MTA1: variants seen among roughly 807,000 people sequenced by gnomAD.
MTA1 encodes metastasis-associated protein MTA1.
MTA1 carries 15 observed loss-of-function variants against 97.0 expected under a neutral mutation model. That is an observed-to-expected ratio of 0.15 (90% CI 0.10 to 0.24). The LOEUF (loss-of-function observed/expected upper bound fraction) is 0.24. Ranked by LOEUF, MTA1 falls within the 10% of genes least tolerant of loss-of-function variation. The pLI, the probability that MTA1 is intolerant of heterozygous loss-of-function variation, is 1.00. For synonymous variants in MTA1, 435 were observed against 417.5 expected (o/e 1.04, Z -0.51); for missense variants, 709 against 1,015.1 (o/e 0.70, Z 4.10).
Position 105,463,578 on chromosome 14 carries a change from C to T in MTA1, c.1076+27C>T. 6.2e-7 allele frequency: 1 copy of T among 1,611,324 alleles called. No homozygotes were observed. Among genetic ancestry groups the T allele is most frequent in the Non-Finnish European group, 8.5e-7 (1 of 1,178,690 alleles). ...TAAGTGTGCCCTCACAGCCGTCGTC[C>T]TCGTGGCCCCGGGGGCCAGGGAGGG... On this transcript the variant is annotated intron_variant, in intron 12 of 20. Transcript: ENST00000331320. This position sits in a 1 kb window ranked among gnomAD's most constrained non-coding sequence, Gnocchi z 5.9.
intron 1 of MTA1, among the ~76,000 whole-genome samples, chr14:105,429,820 G>A (rs11160844): frequency 0.88 from 122,546 of 138,616 alleles, 56,352 homozygotes; most frequent in Non-Finnish European, 1. Flanking sequence ...GCAGTGGTGC[G>A]ATCTTGGCTC....
rs189225055 is a variant in MTA1, at chr14:105,463,560, G to T, written c.1076+9G>T. 251 of 1,612,680 alleles carry T rather than the reference G, an allele frequency of 1.6e-4. 1 individual carries two copies. In the East Asian group the frequency reaches 5.6e-3, roughly 36 times the overall value. On this transcript the variant is annotated intron_variant, in intron 12 of 20. Coordinates refer to ENST00000331320, the MANE Select transcript of MTA1 (RefSeq NM_004689.4). This position sits in a 1 kb window ranked among gnomAD's most constrained non-coding sequence, Gnocchi z 5.9. ...GTTTATATTCCCAACTAGTAAGTGT[G>T]CCCTCACAGCCGTCGTCCTCGTGGC... is the stretch of plus-strand genomic sequence containing the variant.
chr14:105,466,551 A>C lies in MTA1; in HGVS notation c.1750A>C (p.Ser584Arg). 1 of 1,580,646 alleles carries C rather than the reference A, an allele frequency of 6.3e-7. No homozygotes were observed. The highest frequency in any genetic ancestry group is 1.4e-5 in the African/African-American group (1 of 73,808). Reference protein sequence around the residue: ...NGSPTILGKRSYEQHNGVDGN... With the variant: ...NGSPTILGKRRYEQHNGVDGN... ...CTCCCCCACCATCCTGGGCAAGCGCAGCTACGAGCAGCACAACGGGGTGGA... is the reference window on the plus strand; with the variant it reads ...CTCCCCCACCATCCTGGGCAAGCGCCGCTACGAGCAGCACAACGGGGTGGA... Residue 584 changes from serine (S) to arginine (R), a missense_variant, in exon 17 of 21, where the codon AGC becomes CGC. Transcript: ENST00000331320.
At chr14:105,427,062 C>T (rs782529861) in intron 1 of MTA1, among the ~76,000 whole-genome samples, 12 of 152,206 alleles carry the variant, frequency 7.9e-5, no homozygotes, top group Non-Finnish European at 1.5e-4. Context: ...ACCACGGGCA[C>T]CGCCCTGCCG....
At chr14:105,436,353 C>A (rs1472349304) in intron 1 of MTA1, among the ~76,000 whole-genome samples, 1 of 152,216 alleles carries the variant, frequency 6.6e-6, no homozygotes, top group Admixed American at 6.5e-5. Flanking sequence ...TTTACTCTAT[C>A]ATTTCCTGCC....
chr14:105,429,849 C>T (rs1475993952), intron 1 of MTA1, among the ~76,000 whole-genome samples: 15 of 148,394 alleles, frequency 1.0e-4, no homozygotes, highest in Admixed American at 5.4e-4. Flanking sequence ...CTCCAGCTCT[C>T]GGGTTCAAGT....
Position 105,470,155 on chromosome 14 carries a change from G to A in MTA1, c.2088G>A (p.Leu696=), listed in dbSNP as rs782012936. 1 of 1,610,076 alleles carries A rather than the reference G, an allele frequency of 6.2e-7. No individual in the cohort carries two copies. The highest frequency in any genetic ancestry group is 1.7e-5 in the Admixed American group (1 of 59,888). ...TCGCCCTGCGCCAGAGCCAGGCCCT[G>A]CCGCCGCGGCCACCGCCACCTGCGC... The part of the protein sequence containing the change: ...KPIALRQSQA[L]PPRPPPPAPV... The change falls in exon 21 of 21, where the codon CTG becomes CTA. Residue 696 remains leucine (L), a synonymous_variant. Transcript: ENST00000331320.
intron 1 of MTA1, among the ~76,000 whole-genome samples, chr14:105,426,143 C>T (rs1386833244): frequency 1.3e-5 from 2 of 152,076 alleles, no homozygotes; most frequent in Non-Finnish European, 2.9e-5. Flanking sequence ...GGAGGGTCTG[C>T]AGATCTGTGC....
At chr14:105,464,247 G>A (rs587748853) in intron 13 of MTA1, 100 bp downstream of exon 13, 286 of 1,433,422 alleles carry the variant, frequency 2.0e-4, no homozygotes, top group Non-Finnish European at 2.7e-4. Flanking sequence ...GCCTGCAAGG[G>A]GCCCACTGAC....
At position 105,460,874 on chromosome 14, in the gene MTA1, G is replaced by A; in HGVS notation, c.863G>A (p.Trp288Ter). 6.2e-7 allele frequency: 1 copy of A among 1,613,012 alleles called. No individual in the cohort carries two copies. Among genetic ancestry groups the A allele is most frequent in the Non-Finnish European group, 8.5e-7 (1 of 1,179,762 alleles). Residue 288 changes from tryptophan (W) to a stop codon, truncating the protein, a stop_gained, in exon 10 of 21, where the codon TGG becomes TAG. Coordinates refer to ENST00000331320, the MANE Select transcript of MTA1 (RefSeq NM_004689.4). LOFTEE classifies it high-confidence loss of function. ...CTCTGCAGGGACGAGATGGAGGAGT[G>A]GTCTGCATCAGAGGCCAACCTTTTC... The part of the protein sequence containing the change: ...PVLCRDEMEE[W>*]SASEANLFEE...
chr14:105,445,065 T>C (rs944202057), intron 2 of MTA1, among the ~76,000 whole-genome samples: 1 of 152,174 alleles, frequency 6.6e-6, no homozygotes, highest in Non-Finnish European at 1.5e-5. Context: ...CTGGGATAGC[T>C]GGGCGTGGCC....
Position 105,463,560 on chromosome 14 carries a change from G to A in MTA1, c.1076+9G>A, listed in dbSNP as rs189225055. On this transcript the variant is annotated intron_variant, in intron 12 of 20. Coordinates refer to ENST00000331320, the MANE Select transcript of MTA1 (RefSeq NM_004689.4). This position sits in a 1 kb window ranked among gnomAD's most constrained non-coding sequence, Gnocchi z 5.9. ...GTTTATATTCCCAACTAGTAAGTGT[G>A]CCCTCACAGCCGTCGTCCTCGTGGC... The A allele has an allele frequency of 1.2e-6, 2 of 1,612,680 alleles. No individual in the cohort carries two copies. The highest frequency in any genetic ancestry group is 1.7e-5 in the Admixed American group (1 of 60,020).
At chr14:105,466,045 C>T (rs587626216) in intron 16 of MTA1, 31 of 235,044 alleles carry the variant, frequency 1.3e-4, no homozygotes, top group African/African-American at 5.8e-4. Flanking sequence ...CGCTGTCTGA[C>T]GAGCAGCCAG....
intron 19 of MTA1, 37 bp downstream of exon 19, chr14:105,469,535 C>A: frequency 6.2e-7 from 1 of 1,607,424 alleles, no homozygotes; most frequent in Non-Finnish European, 8.5e-7. Flanking sequence ...ACGGTGCGCT[C>A]ACCCATGAGC....
rs1050846321 is a variant in MTA1, at chr14:105,451,508, G to T, written c.432+1184G>T. Among the ~76,000 whole-genome samples the T allele has an allele frequency of 5.3e-5, 8 of 152,266 alleles. 1 individual carries two copies. The highest frequency in any genetic ancestry group is 1.2e-4 in the Non-Finnish European group (8 of 68,052). ...GGGAGCAGAGGCTGTGGGGGTCGCTGTGAAGGCTTCCACTCAGGAATGAGG... is the reference window on the plus strand; with the variant it reads ...GGGAGCAGAGGCTGTGGGGGTCGCTTTGAAGGCTTCCACTCAGGAATGAGG... On this transcript the variant is annotated intron_variant, in intron 6 of 20. Transcript: ENST00000331320.
intron 1 of MTA1, among the ~76,000 whole-genome samples, chr14:105,433,010 TA>T (rs1555423695): frequency 6.6e-6 from 1 of 152,106 alleles, no homozygotes; most frequent in Non-Finnish European, 1.5e-5. Context: ...TGCTGTAATA[TA>T]GGGGCCCCAA....
intron 8 of MTA1, among the ~76,000 whole-genome samples, chr14:105,459,912 G>A (rs113337573): frequency 6.7e-4 from 11 of 16,464 alleles, no homozygotes; most frequent in Admixed American, 8.6e-4. Context: ...CGTGCTGCCC[G>A]TGGCCCCTGG....
In MTA1 at chr14:105,424,343, G is replaced by C. The variant is rs1028680897; in HGVS notation, c.28+4280G>C. Among the ~76,000 whole-genome samples the C allele has an allele frequency of 6.6e-6, 1 of 151,362 alleles. No individual in the cohort carries two copies. The highest frequency in any genetic ancestry group is 1.5e-5 in the Non-Finnish European group (1 of 67,932). On this transcript the variant is annotated intron_variant, in intron 1 of 20. Transcript: ENST00000331320. This position sits in a 1 kb window ranked among gnomAD's most constrained non-coding sequence, Gnocchi z 4.0. ...CAAGTAGCTGGGACTACAGGCGCCCGCCACCATGCCTGGCTAATGTTTTGT... is the reference window on the plus strand; with the variant it reads ...CAAGTAGCTGGGACTACAGGCGCCCCCCACCATGCCTGGCTAATGTTTTGT...
rs782031351 is a variant in MTA1, at chr14:105,458,295, C to A, written c.576C>A (p.Ser192=). The change falls in exon 8 of 21, where the codon TCC becomes TCA. Residue 192 remains serine (S), a synonymous_variant. Coordinates refer to ENST00000331320, the MANE Select transcript of MTA1 (RefSeq NM_004689.4). ...KEGEEDGRDQ[S]RLETQVWEAH... Reference sequence around the variant, plus strand: ...GCGAGGAGGATGGCCGAGACCAGTCCAGGTTGGAGACCCAGGTGTGGGAGG... The same window carrying A: ...GCGAGGAGGATGGCCGAGACCAGTCAAGGTTGGAGACCCAGGTGTGGGAGG... 4.3e-6 allele frequency: 7 copies of A among 1,612,556 alleles called. No homozygotes were observed. Among genetic ancestry groups the A allele is most frequent in the African/African-American group, 4.0e-5 (3 of 74,904 alleles).
Sources: allele counts gnomAD v4.1 joint callset (sites outside exome capture counted in the v4.1 genomes callset), GRCh38; gene constraint gnomAD v4.1.1; non-coding constraint Gnocchi (gnomAD v3.1); transcripts MANE v1.5; gene names NCBI Gene and HGNC (gene_info 2026-07-23, HGNC 2026-07-21).